Variants in CUBN observed in about 807,000 individuals in gnomAD.
CUBN encodes 460 kDa receptor.
In CUBN, 282 loss-of-function variants were observed where a neutral mutation model predicts 405.3. That is an observed-to-expected ratio of 0.70 (90% confidence interval 0.63 to 0.77). CUBN has a LOEUF of 0.77. Among genes scored for constraint, CUBN ranks in the 30% least tolerant of loss-of-function variants. CUBN has a pLI of 0.00. For missense variants in CUBN, 4,514 were observed against 4,475.2 expected, an observed-to-expected ratio of 1.01 and a Z score of -0.25; for synonymous variants, 1,684 against 1,617.0, an observed-to-expected ratio of 1.04 and a Z score of -0.99.
chr10:17,124,703 C>CTCCT (rs1837131952), intron 4 of CUBN, among the ~76,000 whole-genome samples: 1 of 152,200 alleles, frequency 6.6e-6, no homozygotes, highest in Non-Finnish European at 1.5e-5. Flanking sequence ...GCTGGGATTA[C>CTCCT]AGGTGTGAGC....
At chr10:17,103,760 A>C (rs1836554657) in intron 12 of CUBN, among the ~76,000 whole-genome samples, 1 of 152,258 alleles carries the variant, frequency 6.6e-6, no homozygotes, top group African/African-American at 2.4e-5. Context: ...ACTTTATGGA[A>C]GAAGTTGAGA....
At chr10:17,012,162 G>A (rs1834203234) in intron 28 of CUBN, among the ~76,000 whole-genome samples, 1 of 152,148 alleles carries the variant, frequency 6.6e-6, no homozygotes, top group Non-Finnish European at 1.5e-5. Context: ...GTAGCCTGAT[G>A]GCCTTGATTC....
At position 17,063,971 on chromosome 10, in the gene CUBN, TA is replaced by T. The variant is rs1290259404; in HGVS notation, c.3139+1536del. On this transcript the variant is annotated intron_variant, in intron 22 of 66. Coordinates refer to ENST00000377833, the MANE Select transcript of CUBN (RefSeq NM_001081.4). ...ATTCAGTGTGCTTTGGGGCCAAACA[TA>T]CCAGACAGATAAAACTACAACAGCA... 3.9e-5 allele frequency among the ~76,000 whole-genome samples: 6 copies of T among 152,340 alleles called. No individual in the cohort carries two copies. The East Asian group carries it at 1.2e-3, about 29-fold the overall frequency.
In CUBN at chr10:16,877,041, A is replaced by G; in HGVS notation, c.8962T>C (p.Tyr2988His). The G allele has an allele frequency of 6.2e-7, 1 of 1,614,188 alleles. No individual in the cohort carries two copies. Among genetic ancestry groups the G allele is most frequent in the Non-Finnish European group, 8.5e-7 (1 of 1,180,014 alleles). Residue 2988 changes from tyrosine (Y) to histidine (H), a missense_variant, in exon 57 of 67, where the codon TAC becomes CAC. Transcript: ENST00000377833. ...GCAAATGGGGTGGACATGACGCTGT[A>G]ACCTCTGATAATGTGCACGCCATCG... ...VNDGVHIIRG[Y>H]SVMSTPFATV...
At chr10:16,854,513 C>A (rs1193967053) in intron 59 of CUBN, among the ~76,000 whole-genome samples, 1 of 152,110 alleles carries the variant, frequency 6.6e-6, no homozygotes, top group Non-Finnish European at 1.5e-5. Flanking sequence ...GGGAACGAGA[C>A]TGAAGGAGAT....
chr10:16,920,173 G>A, intron 43 of CUBN, 36 bp from the exon 44 acceptor site: 1 of 1,606,142 alleles, frequency 6.2e-7, no homozygotes. Context: ...TCTATGATCT[G>A]GTGAAGGGGA....
At chr10:16,949,878 G>T in intron 34 of CUBN, 123 bp downstream of exon 34, 1 of 761,306 alleles carries the variant, frequency 1.3e-6, no homozygotes, top group Non-Finnish European at 2.3e-6. Context: ...TCTTTATTTG[G>T]CTTAGGCTGC....
At chr10:16,926,221 A>G (rs1411302442) in intron 41 of CUBN, among the ~76,000 whole-genome samples, 1 of 152,122 alleles carries the variant, frequency 6.6e-6, no homozygotes, top group Non-Finnish European at 1.5e-5. Context: ...CCAGATAGTT[A>G]TGGGGGAGAA....
At chr10:16,912,101 A>T (rs985601952) in intron 48 of CUBN, among the ~76,000 whole-genome samples, 14 of 152,214 alleles carry the variant, frequency 9.2e-5, no homozygotes. Flanking sequence ...AAAAGAAAAC[A>T]CACTTGGTTT....
Position 16,933,275 on chromosome 10 carries a change from C to T in CUBN, c.5936G>A (p.Gly1979Asp). ...VLPTIAPGAC[G>D]GFLRTGDAPV... is the part of the protein sequence containing the mutation. ...TGCATCTCCCGTCCTCAGGAAGCCA[C>T]CACAAGCACCTGTAGAATAGAAAGC... Residue 1979 changes from glycine to aspartate, a missense_variant, in exon 40 of 67, where the codon GGT becomes GAT. Physicochemically the swap from Gly to Asp is moderately conservative, Grantham distance 94. Coordinates refer to ENST00000377833, the MANE Select transcript of CUBN (RefSeq NM_001081.4). 6.2e-7 allele frequency: 1 copy of T among 1,613,466 alleles called. No individual in the cohort carries two copies. The highest frequency in any genetic ancestry group is 8.5e-7 in the Non-Finnish European group (1 of 1,179,962).
At chr10:17,057,233 T>C (rs1481558069) in intron 22 of CUBN, among the ~76,000 whole-genome samples, 4 of 152,120 alleles carry the variant, frequency 2.6e-5, no homozygotes, top group African/African-American at 4.8e-5. Context: ...GGCTACCCCA[T>C]AGGCAACGTG....
chr10:17,057,607 G>A (rs924981752), intron 22 of CUBN, among the ~76,000 whole-genome samples: 9 of 151,976 alleles, frequency 5.9e-5, no homozygotes, highest in African/African-American at 2.2e-4. Flanking sequence ...GGTATTTTAC[G>A]CAAGAGAATG....
At chr10:16,837,306 G>T (rs1839201837) in intron 62 of CUBN, among the ~76,000 whole-genome samples, 1 of 151,796 alleles carries the variant, frequency 6.6e-6, no homozygotes, top group African/African-American at 2.4e-5. Context: ...AGGGTGGGGG[G>T]CCAGCCTCGG....
chr10:17,120,572 A>C (rs528292063), intron 6 of CUBN, among the ~76,000 whole-genome samples: 1 of 152,374 alleles, frequency 6.6e-6, no homozygotes, highest in Admixed American at 6.5e-5. Flanking sequence ...GTTCTTACAA[A>C]GTTGAATCTG....
rs576485210 is a variant in CUBN at position 17,000,383 on chromosome 10, A to G, written c.4169-9868T>C. Reference sequence around the variant, plus strand: ...CAGAAATTGTGTTTAAGGATTGCAAATAACATCAGCTATTTCGAACTTGTC... The same window carrying G: ...CAGAAATTGTGTTTAAGGATTGCAAGTAACATCAGCTATTTCGAACTTGTC... On this transcript the variant is annotated intron_variant, in intron 28 of 66. Transcript: ENST00000377833. Among the ~76,000 whole-genome samples the G allele has an allele frequency of 7.9e-5, 12 of 152,336 alleles. No homozygotes were observed. The South Asian group carries it at 2.3e-3, about 29-fold the overall frequency.
chr10:16,915,976 T>C lies in CUBN; in HGVS notation c.7055A>G (p.His2352Arg). ...GQSGVVESIG[H>R]PTLPYRDNLF... ...GTTGTCTCTGTATGGAAGTGTTGGA[T>C]GTCCAATGCTTTCAACAACACCACT... The change falls in exon 46 of 67, where the codon CAT becomes CGT. Residue 2352 changes from histidine to arginine, a missense_variant. His to Arg is a conservative substitution (Grantham distance 29). Transcript: ENST00000377833. The C allele has an allele frequency of 6.2e-7, 1 of 1,614,152 alleles. No individual in the cohort carries two copies. The highest frequency in any genetic ancestry group is 8.5e-7 in the Non-Finnish European group (1 of 1,180,028).
Position 17,084,460 on chromosome 10 carries a change from C to T in CUBN, c.2112G>A (p.Ser704=), listed in dbSNP as rs774463666. The change falls in exon 17 of 67, where the codon TCG becomes TCA. Residue 704 remains serine (S), a splice_region_variant and synonymous_variant. Transcript: ENST00000377833. ...GFHITYLTSP[S]DLRCGGNYTD... is the part of the protein sequence containing the mutation. Reference sequence around the variant, plus strand: ...TGTAGTTCCCACCACAACGCAGATCCGCTAAGAACAGGGAAGAGACGAACA... The same window carrying T: ...TGTAGTTCCCACCACAACGCAGATCTGCTAAGAACAGGGAAGAGACGAACA... 7.4e-6 allele frequency: 12 copies of T among 1,612,610 alleles called. No individual in the cohort carries two copies. Among genetic ancestry groups the T allele is most frequent in the Admixed American group, 1.7e-5 (1 of 59,864 alleles).
intron 54 of CUBN, among the ~76,000 whole-genome samples, chr10:16,894,725 C>T (rs1841131176): frequency 6.6e-6 from 1 of 152,116 alleles, no homozygotes; most frequent in Non-Finnish European, 1.5e-5. Context: ...TTGTCTATGC[C>T]TACAAAAGAC....
intron 31 of CUBN, among the ~76,000 whole-genome samples, chr10:16,976,480 T>A (rs1833099158): frequency 7.0e-6 from 1 of 143,480 alleles, no homozygotes; most frequent in South Asian, 2.2e-4. Context: ...CTGTAACATT[T>A]TCTCTTTATC....
Sources: gnomAD v4.1 joint callset for allele counts (sites outside exome capture counted in the v4.1 genomes callset) on GRCh38, gnomAD v4.1.1 for gene constraint, MANE v1.5 for transcripts, NCBI Gene and HGNC (gene_info 2026-07-23, HGNC 2026-07-21) for gene names.